The following CDC42SE2 variants were observed in gnomAD, a reference collection of about 807,000 sequenced individuals.
The protein encoded by CDC42SE2 is CDC42 small effector protein 2.
In CDC42SE2, 3 loss-of-function variants were observed where a neutral mutation model predicts 11.5. That is an observed-to-expected ratio of 0.26 (90% CI 0.12 to 0.67). The LOEUF is 0.67. Ranked by LOEUF, CDC42SE2 falls within the 30% of genes least tolerant of loss-of-function variation. The pLI is 0.80. For missense variants in CDC42SE2, 82 were observed against 106.8 expected (o/e 0.77, Z 1.02); for synonymous variants, 33 against 34.8 (o/e 0.95, Z 0.18).
chr5:131,324,922 T>C (rs574816021), intron 2 of CDC42SE2, among the ~76,000 whole-genome samples: 6 of 152,232 alleles, frequency 3.9e-5, no homozygotes, highest in Non-Finnish European at 8.8e-5. Context: ...TTTTAAACTT[T>C]AAAAATCAAA....
At chr5:131,333,111 T>C (rs557817196) in intron 2 of CDC42SE2, among the ~76,000 whole-genome samples, 76 of 152,356 alleles carry the variant, frequency 5.0e-4, no homozygotes, top group Non-Finnish European at 9.6e-4. Context: ...GTCTAACCTG[T>C]AAGTCTTTAA....
intron 1 of CDC42SE2, among the ~76,000 whole-genome samples, chr5:131,252,488 T>C (rs1033251211): frequency 6.6e-6 from 1 of 152,116 alleles, no homozygotes; most frequent in African/African-American, 2.4e-5. Context: ...ACCCCGTCTC[T>C]ACTAAAAATA....
intron 1 of CDC42SE2, among the ~76,000 whole-genome samples, chr5:131,314,293 A>T (rs180860855): frequency 6.7e-6 from 1 of 149,536 alleles, no homozygotes; most frequent in East Asian, 2.0e-4. Flanking sequence ...GTTCAGTGGC[A>T]CAATCATAGC....
At chr5:131,327,268 G>T (rs1302222928) in intron 2 of CDC42SE2, among the ~76,000 whole-genome samples, 1 of 151,946 alleles carries the variant, frequency 6.6e-6, no homozygotes, top group African/African-American at 2.4e-5. Flanking sequence ...CCCTAAATAT[G>T]ACAGATACTC....
chr5:131,323,227 T>C (rs1181708770), intron 2 of CDC42SE2, among the ~76,000 whole-genome samples: 2 of 151,750 alleles, frequency 1.3e-5, no homozygotes, highest in African/African-American at 4.8e-5. Context: ...TGTCTCTCTA[T>C]GTTGCCCAGT....
chr5:131,268,366 C>T (rs1756916500), intron 1 of CDC42SE2, among the ~76,000 whole-genome samples: 1 of 151,206 alleles, frequency 6.6e-6, no homozygotes, highest in South Asian at 2.1e-4. Context: ...CCCGGTCAAG[C>T]TTATTCTTAA....
At chr5:131,338,346 G>A (rs1324515205) in intron 2 of CDC42SE2, among the ~76,000 whole-genome samples, 3 of 152,100 alleles carry the variant, frequency 2.0e-5, no homozygotes, top group South Asian at 2.1e-4. Context: ...TCTACATGGC[G>A]GTCCCAACTC....
intron 1 of CDC42SE2, among the ~76,000 whole-genome samples, chr5:131,275,389 C>T (rs898705821): frequency 6.6e-6 from 1 of 150,564 alleles, no homozygotes; most frequent in Non-Finnish European, 1.5e-5. Context: ...CTCCGTCTCC[C>T]GGATTCAAGC....
chr5:131,335,602 A>G (rs538274747), intron 2 of CDC42SE2, among the ~76,000 whole-genome samples: 5 of 152,284 alleles, frequency 3.3e-5, no homozygotes, highest in African/African-American at 4.8e-5. Context: ...GTGGGAATCT[A>G]AGTCTCTTTG....
At chr5:131,345,698 CA>C (rs1758823616) in intron 2 of CDC42SE2, among the ~76,000 whole-genome samples, 2 of 151,592 alleles carry the variant, frequency 1.3e-5, no homozygotes, top group South Asian at 2.1e-4. Flanking sequence ...ACATAATTGT[CA>C]GATTCACCAA....
the CDC42SE2 span, among the ~76,000 whole-genome samples, chr5:131,213,408 A>G: frequency 6.6e-6 from 1 of 152,142 alleles, no homozygotes; most frequent in South Asian, 2.1e-4. Flanking sequence ...CAAACTCAGA[A>G]TTCCAGATAC....
chr5:131,363,369 G>A (rs1749766997), intron 3 of CDC42SE2, among the ~76,000 whole-genome samples: 1 of 151,942 alleles, frequency 6.6e-6, no homozygotes, highest in Non-Finnish European at 1.5e-5. Flanking sequence ...TATCTGGAAT[G>A]TGTTAATTTG....
intron 2 of CDC42SE2, among the ~76,000 whole-genome samples, chr5:131,328,183 A>T (rs1021317063): frequency 1.3e-5 from 2 of 152,134 alleles, no homozygotes; most frequent in Admixed American, 6.6e-5. Flanking sequence ...AGCAATTCTG[A>T]ATTCTGAAAA....
chr5:131,334,413 G>T (rs1468956413), intron 2 of CDC42SE2, among the ~76,000 whole-genome samples: 3 of 152,272 alleles, frequency 2.0e-5, no homozygotes, highest in Non-Finnish European at 4.4e-5. Flanking sequence ...AAGGATATTG[G>T]TCTAAAATTC....
the CDC42SE2 span, among the ~76,000 whole-genome samples, chr5:131,237,266 T>C: frequency 6.6e-6 from 1 of 152,226 alleles, no homozygotes; most frequent in Non-Finnish European, 1.5e-5. Flanking sequence ...GTCTGAAATC[T>C]TTTTACTTCT....
At chr5:131,243,679 A>C (rs1580713577), upstream of CDC42SE2, among the ~76,000 whole-genome samples, 1 of 152,378 alleles carries the variant, frequency 6.6e-6, no homozygotes, top group Non-Finnish European at 1.5e-5. Context: ...TCCTGGTCTC[A>C]GAATTTGGTC....
chr5:131,351,697 G>T (rs1759016228), intron 2 of CDC42SE2, among the ~76,000 whole-genome samples: 1 of 152,036 alleles, frequency 6.6e-6, no homozygotes, highest in African/African-American at 2.4e-5. Context: ...ATTAAAAACA[G>T]ATTATAGGTA....
chr5:131,365,548 T>C (rs1051619595), intron 3 of CDC42SE2, among the ~76,000 whole-genome samples: 1 of 152,232 alleles, frequency 6.6e-6, no homozygotes, highest in African/African-American at 2.4e-5. Flanking sequence ...GGTATGAGTA[T>C]AGTAAAAGTG....
chr5:131,227,782 C>T, the CDC42SE2 span, among the ~76,000 whole-genome samples: 15 of 152,316 alleles, frequency 9.8e-5, no homozygotes, highest in African/African-American at 3.1e-4. Flanking sequence ...CAGTGGCTCA[C>T]GCCTGTAATC....
Sources: gnomAD v4.1 joint callset for allele counts (sites outside exome capture counted in the v4.1 genomes callset) on GRCh38, gnomAD v4.1.1 for gene constraint, MANE v1.5 for transcripts, NCBI Gene and HGNC (gene_info 2026-07-23, HGNC 2026-07-21) for gene names.